GPC6: variants seen among roughly 807,000 people sequenced by gnomAD.
GPC6 encodes glypican-6.
Under a neutral mutation model 55.2 loss-of-function variants are expected in GPC6, and 14 were observed. The ratio of observed to expected loss-of-function variants is 0.25; its 90% CI spans 0.17 to 0.40. The LOEUF (loss-of-function observed/expected upper bound fraction) is 0.40. Among genes scored for constraint, GPC6 ranks in the 10% least tolerant of loss-of-function variants. The pLI is 1.00. For missense variants in GPC6, 641 were observed against 708.5 expected (o/e 0.90, Z 1.08); for synonymous variants, 278 against 259.6 (o/e 1.07, Z -0.68).
At chr13:93,425,053 T>G (rs547205556) in intron 1 of GPC6, among the ~76,000 whole-genome samples, 8 of 152,246 alleles carry the variant, frequency 5.3e-5, no homozygotes, top group Admixed American at 2.6e-4. Context: ...GTAGGGCAAA[T>G]GAAATACTTA....
chr13:93,353,713 C>T (rs932975376), intron 1 of GPC6, among the ~76,000 whole-genome samples: 64 of 152,256 alleles, frequency 4.2e-4, no homozygotes, highest in African/African-American at 1.5e-3. Context: ...TGTTTTTTTG[C>T]TCGTGATTAC....
intron 4 of GPC6, among the ~76,000 whole-genome samples, chr13:94,283,971 A>G (rs1167109423): frequency 1.3e-5 from 2 of 152,206 alleles, no homozygotes; most frequent in Admixed American, 1.3e-4. Context: ...TTGATGTCGC[A>G]AAGTTATTTT....
intron 2 of GPC6, among the ~76,000 whole-genome samples, chr13:93,812,644 T>A (rs975858056): frequency 2.6e-5 from 4 of 152,302 alleles, no homozygotes; most frequent in Non-Finnish European, 5.9e-5. Flanking sequence ...CTGAGAAAAG[T>A]AGTGTTCATT....
intron 1 of GPC6, among the ~76,000 whole-genome samples, chr13:93,375,078 C>T (rs1040197288): frequency 6.6e-6 from 1 of 152,176 alleles, no homozygotes; most frequent in Admixed American, 6.5e-5. Flanking sequence ...TCTTTGAAAT[C>T]CATGTTATCC....
intron 1 of GPC6, among the ~76,000 whole-genome samples, chr13:93,267,651 A>G (rs1004834261): frequency 6.6e-6 from 1 of 152,164 alleles, no homozygotes; most frequent in African/African-American, 2.4e-5. Context: ...CTCAATGCCT[A>G]ATTTCAGAAT....
At chr13:93,869,958 A>G (rs1889079747) in intron 3 of GPC6, among the ~76,000 whole-genome samples, 1 of 151,836 alleles carries the variant, frequency 6.6e-6, no homozygotes, top group Admixed American at 6.6e-5. Flanking sequence ...CTGAGGTGGG[A>G]GATGGCAATT....
At chr13:94,288,382 G>A (rs950404852) in intron 5 of GPC6, among the ~76,000 whole-genome samples, 2 of 151,874 alleles carry the variant, frequency 1.3e-5, no homozygotes, top group African/African-American at 4.8e-5. Context: ...AGTAGCCAAA[G>A]TATTTCTACA....
intron 3 of GPC6, among the ~76,000 whole-genome samples, chr13:93,844,564 G>C (rs1231419999): frequency 1.3e-5 from 2 of 151,032 alleles, no homozygotes; most frequent in Non-Finnish European, 2.9e-5. Flanking sequence ...AGATGAGTAG[G>C]TTGCGAAAAT....
chr13:93,254,599 A>AT (rs1876892675), intron 1 of GPC6, among the ~76,000 whole-genome samples: 3 of 152,174 alleles, frequency 2.0e-5, no homozygotes, highest in East Asian at 3.9e-4. Context: ...GACTTGCTTT[A>AT]TTTTTTAATT....
At chr13:93,773,162 C>T (rs74108801) in intron 2 of GPC6, among the ~76,000 whole-genome samples, 2,088 of 152,130 alleles carry the variant, frequency 0.014, 46 homozygotes, top group African/African-American at 0.048. Flanking sequence ...AGCAAAATGC[C>T]ACTCTAGTTA....
rs188293000 is a variant in GPC6 at position 94,167,980 on chromosome 13, C to G, written c.878-118369C>G. Among the ~76,000 whole-genome samples, 358 of 152,258 alleles carry G rather than the reference C, an allele frequency of 2.4e-3. 1 individual carries two copies. The highest frequency in any genetic ancestry group is 8.1e-3 in the African/African-American group (338 of 41,548). ...ACAGTTTTATTTATTCTCACTATAT[C>G]ATAGGTTACACATAAAATGCTTATA... On this transcript the variant is annotated intron_variant, in intron 4 of 8. Coordinates refer to ENST00000377047, the MANE Select transcript of GPC6 (RefSeq NM_005708.5).
intron 1 of GPC6, among the ~76,000 whole-genome samples, chr13:93,543,122 C>A (rs1017595892): frequency 7.3e-6 from 1 of 136,854 alleles, no homozygotes; most frequent in African/African-American, 2.8e-5. Flanking sequence ...GGGAATGCTT[C>A]CAGTTTTAGC....
intron 1 of GPC6, among the ~76,000 whole-genome samples, chr13:93,354,349 A>ATTT (rs11454186): frequency 0.011 from 1,218 of 115,756 alleles, 73 homozygotes; most frequent in African/African-American, 0.038. Flanking sequence ...CCGTTGGTAG[A>ATTT]TTTTTTTTTT....
intron 2 of GPC6, among the ~76,000 whole-genome samples, chr13:93,806,404 C>T (rs1277420056): frequency 2.6e-5 from 4 of 152,158 alleles, no homozygotes; most frequent in Admixed American, 1.3e-4. Context: ...ATGGCGCAGT[C>T]GCGGCTCACT....
intron 4 of GPC6, among the ~76,000 whole-genome samples, chr13:94,067,287 A>C (rs1884551526): frequency 6.6e-6 from 1 of 152,226 alleles, no homozygotes; most frequent in East Asian, 1.9e-4. Context: ...TTAGAAGTTT[A>C]ACTCAGTCCT....
chr13:93,744,071 G>A (rs184171597), intron 2 of GPC6, among the ~76,000 whole-genome samples: 1 of 152,238 alleles, frequency 6.6e-6, no homozygotes, highest in East Asian at 1.9e-4. Context: ...TGCTGGAGGA[G>A]GTTTAATTCC....
At position 94,360,383 on chromosome 13, in the gene GPC6, T is replaced by C. The variant is rs1459885933; in HGVS notation, c.1153-22031T>C. 3.3e-5 allele frequency among the ~76,000 whole-genome samples: 5 copies of C among 152,318 alleles called. No individual in the cohort carries two copies. The East Asian group carries it at 7.7e-4, about 24-fold the overall frequency. ...TCAGGGACAGTATAATCCACTGTTA[T>C]ACATAACCAGAAGCATAATTGGGCA... On this transcript the variant is annotated intron_variant, in intron 6 of 8. Coordinates refer to ENST00000377047, the MANE Select transcript of GPC6 (RefSeq NM_005708.5).
chr13:94,380,835 G>A (rs115211279), intron 6 of GPC6, among the ~76,000 whole-genome samples: 19 of 152,318 alleles, frequency 1.2e-4, no homozygotes, highest in African/African-American at 4.1e-4. Context: ...GCCCTCTGCT[G>A]CATTTGGCTA....
intron 2 of GPC6, among the ~76,000 whole-genome samples, chr13:93,826,970 G>T (rs1887283964): frequency 6.6e-6 from 1 of 152,138 alleles, no homozygotes. Context: ...CTCCCCTCTA[G>T]ATGAATAAAA....
Sources: allele counts gnomAD v4.1 joint callset (sites outside exome capture counted in the v4.1 genomes callset), GRCh38; gene constraint gnomAD v4.1.1; transcripts MANE v1.5; gene names NCBI Gene and HGNC (gene_info 2026-07-23, HGNC 2026-07-21).